Variants in SDK1 observed in about 807,000 individuals in gnomAD.
SDK1 encodes the protein sidekick cell adhesion molecule 1.
In SDK1, 157 loss-of-function variants were observed where a neutral mutation model predicts 245.5. The ratio of observed to expected loss-of-function variants is 0.64; its 90% CI spans 0.56 to 0.73. The LOEUF is 0.73. Among genes scored for constraint, SDK1 ranks in the 30% least tolerant of loss-of-function variants. The pLI is 0.00. For missense variants in SDK1, 3,583 were observed against 3,002.3 expected, an observed-to-expected ratio of 1.19 and a Z score of -4.52; for synonymous variants, 1,647 against 1,278.5, an observed-to-expected ratio of 1.29 and a Z score of -6.15.
intron 5 of SDK1, among the ~76,000 whole-genome samples, chr7:3,912,523 C>T (rs980881262): frequency 8.5e-5 from 13 of 152,270 alleles, no homozygotes; most frequent in South Asian, 4.1e-4. Flanking sequence ...GATATTTATC[C>T]GGGGAAGAGG....
intron 4 of SDK1, among the ~76,000 whole-genome samples, chr7:3,758,376 T>TTA (rs1217206553): frequency 6.6e-6 from 1 of 152,216 alleles, no homozygotes; most frequent in Non-Finnish European, 1.5e-5. Flanking sequence ...CATCTCCCAT[T>TTA]TATATATTCA....
rs1355741268 is a variant in SDK1 at position 3,411,877 on chromosome 7, G to A, written c.298+109993G>A. ...TCACTAGGTATGAACCCATTGCCTA[G>A]AAATCTGAAGAAGGGTATATTGCAG... On this transcript the variant is annotated intron_variant, in intron 1 of 44. Transcript: ENST00000404826. Among the ~76,000 whole-genome samples, 10 of 152,136 alleles carry A rather than the reference G, an allele frequency of 6.6e-5. No homozygotes were observed. The South Asian group carries it at 2.1e-3, about 32-fold the overall frequency.
intron 1 of SDK1, among the ~76,000 whole-genome samples, chr7:3,389,440 G>C (rs1041053785): frequency 6.6e-6 from 1 of 152,152 alleles, no homozygotes; most frequent in African/African-American, 2.4e-5. Context: ...ATTGAAGTTG[G>C]AGGAATGGGC....
chr7:4,048,949 T>C (rs1789233546), intron 17 of SDK1, among the ~76,000 whole-genome samples: 2 of 152,098 alleles, frequency 1.3e-5, no homozygotes, highest in African/African-American at 4.8e-5. Context: ...TAATGAACAA[T>C]TTAGCTTGAA....
At chr7:3,720,382 A>G (rs1372332758) in intron 4 of SDK1, among the ~76,000 whole-genome samples, 1 of 152,216 alleles carries the variant, frequency 6.6e-6, no homozygotes, top group Non-Finnish European at 1.5e-5. Flanking sequence ...TACTCTTAGA[A>G]CTCAACATTA....
chr7:3,310,980 T>C (rs1012166635), intron 1 of SDK1, among the ~76,000 whole-genome samples: 24 of 152,192 alleles, frequency 1.6e-4, no homozygotes, highest in African/African-American at 4.8e-4. Context: ...GTACATAGCA[T>C]GCATCCAGTA....
intron 40 of SDK1, among the ~76,000 whole-genome samples, chr7:4,222,448 T>C (rs1157546491): frequency 1.3e-5 from 2 of 152,050 alleles, no homozygotes; most frequent in Non-Finnish European, 2.9e-5. Context: ...GCACCCGCCA[T>C]CACGCCCGGC....
At chr7:3,676,644 G>C (rs189252317) in intron 4 of SDK1, among the ~76,000 whole-genome samples, 19 of 152,262 alleles carry the variant, frequency 1.2e-4, no homozygotes, top group Admixed American at 1.1e-3. Context: ...TATTTTTTAA[G>C]CTTGAGGTCT....
chr7:3,463,452 G>T (rs1267629887), intron 1 of SDK1, among the ~76,000 whole-genome samples: 2 of 152,036 alleles, frequency 1.3e-5, no homozygotes, highest in East Asian at 3.9e-4. Flanking sequence ...CTTTTATAGA[G>T]GTCAGTTTTG....
intron 2 of SDK1, among the ~76,000 whole-genome samples, chr7:3,625,358 A>G (rs757625474): frequency 7.9e-5 from 12 of 152,240 alleles, no homozygotes; most frequent in Admixed American, 2.0e-4. Context: ...ATAAGTTAAA[A>G]GGTAAGCAAC....
chr7:4,014,868 C>T (rs906255437), intron 16 of SDK1, among the ~76,000 whole-genome samples: 5 of 152,118 alleles, frequency 3.3e-5, no homozygotes, highest in East Asian at 1.9e-4. Flanking sequence ...CAAAAGCACC[C>T]GGAGCCACTG....
chr7:4,114,041 T>C lies in SDK1; in HGVS notation c.3590T>C (p.Leu1197Pro). Residue 1197 changes from leucine (L) to proline (P), a missense_variant, in exon 25 of 45, where the codon CTG becomes CCG. Leu to Pro is a moderately conservative substitution (Grantham distance 98). Transcript: ENST00000404826. ...CGACTCCTCGTTCCTTCCTAGCCCC[T>C]GCCGGATTCTCAGTACAACGGGAAC... ...ETSLRLRWVP[L>P]PDSQYNGNPE... 6.2e-7 allele frequency: 1 copy of C among 1,613,988 alleles called. No homozygotes were observed. Among genetic ancestry groups the C allele is most frequent in the South Asian group, 1.1e-5 (1 of 91,076 alleles).
chr7:4,041,038 C>G (rs1416440568), intron 17 of SDK1, among the ~76,000 whole-genome samples: 2 of 152,236 alleles, frequency 1.3e-5, no homozygotes, highest in Middle Eastern at 3.2e-3. Flanking sequence ...CTCTCTTACC[C>G]TCACTATCTG....
chr7:3,721,724 G>C (rs1583341479), intron 4 of SDK1, among the ~76,000 whole-genome samples: 1 of 152,240 alleles, frequency 6.6e-6, no homozygotes, highest in African/African-American at 2.4e-5. Context: ...TCTGTTCCCA[G>C]GATTAAGAAA....
intron 4 of SDK1, among the ~76,000 whole-genome samples, chr7:3,690,056 A>C (rs1784401983): frequency 6.6e-6 from 1 of 152,250 alleles, no homozygotes; most frequent in Admixed American, 6.5e-5. Context: ...TCTTAGAATA[A>C]TGCCTTAGAG....
At chr7:3,389,020 T>G (rs1267293945) in intron 1 of SDK1, among the ~76,000 whole-genome samples, 1 of 152,186 alleles carries the variant, frequency 6.6e-6, no homozygotes, top group Non-Finnish European at 1.5e-5. Flanking sequence ...GGGTCAACTT[T>G]TTGGTAGCGT....
intron 25 of SDK1, among the ~76,000 whole-genome samples, chr7:4,123,730 A>G (rs1433176190): frequency 6.6e-6 from 1 of 152,228 alleles, no homozygotes; most frequent in Non-Finnish European, 1.5e-5. Context: ...TCCCTCCAAA[A>G]ATAGAAGGGG....
chr7:3,324,920 C>T (rs147978787), intron 1 of SDK1, among the ~76,000 whole-genome samples: 25 of 152,190 alleles, frequency 1.6e-4, no homozygotes, highest in African/African-American at 5.5e-4. Context: ...GTAAACTTTC[C>T]ATGCTGAACT....
chr7:3,968,851 A>C (rs1257800390), intron 10 of SDK1, among the ~76,000 whole-genome samples: 4 of 152,212 alleles, frequency 2.6e-5, no homozygotes, highest in African/African-American at 9.7e-5. Context: ...ATATAAACAC[A>C]TACCTGAGAC....
Sources: gnomAD v4.1 joint callset for allele counts (sites outside exome capture counted in the v4.1 genomes callset) on GRCh38, gnomAD v4.1.1 for gene constraint, MANE v1.5 for transcripts, NCBI Gene and HGNC (gene_info 2026-07-23, HGNC 2026-07-21) for gene names.